The following ARHGAP15 variants were observed in gnomAD, a reference collection of about 807,000 sequenced individuals.
ARHGAP15 encodes rho GTPase-activating protein 15.
Under a neutral mutation model 63.7 loss-of-function variants are expected in ARHGAP15, and 51 were observed. The ratio of observed to expected loss-of-function variants is 0.80; its 90% CI spans 0.64 to 1.01. The LOEUF is 1.01. Ranked by LOEUF, ARHGAP15 falls within the 50% of genes least tolerant of loss-of-function variation. The pLI is 0.00. For missense variants in ARHGAP15, 560 were observed against 564.6 expected (o/e 0.99, Z 0.08); for synonymous variants, 191 against 193.8 (o/e 0.99, Z 0.12).
chr2:143,407,987 G>GTGTGTA (rs1357709703), intron 6 of ARHGAP15, among the ~76,000 whole-genome samples: 6 of 77,458 alleles, frequency 7.7e-5, no homozygotes, highest in African/African-American at 1.3e-4. Context: ...TTCTGTGTGT[G>GTGTGTA]TATATATATA....
chr2:143,288,136 T>C (rs1309028762), intron 6 of ARHGAP15, among the ~76,000 whole-genome samples: 1 of 152,164 alleles, frequency 6.6e-6, no homozygotes, highest in Non-Finnish European at 1.5e-5. Flanking sequence ...AAAAGTGCCA[T>C]GTGATTCAAT....
chr2:143,471,124 CAT>C (rs779422140), intron 8 of ARHGAP15, among the ~76,000 whole-genome samples: 65 of 146,316 alleles, frequency 4.4e-4, no homozygotes, highest in Non-Finnish European at 9.0e-4. Context: ...CACATATACA[CAT>C]ACATGTATAC....
At chr2:143,648,642 A>C (rs1681011290) in intron 12 of ARHGAP15, 1 of 152,002 alleles carries the variant, frequency 6.6e-6, no homozygotes. Context: ...CCTGAAAATA[A>C]GTGTGAATCC....
chr2:143,528,313 A>T (rs1428083368), intron 10 of ARHGAP15, among the ~76,000 whole-genome samples: 1 of 151,926 alleles, frequency 6.6e-6, no homozygotes, highest in East Asian at 1.9e-4. Context: ...TTTAATTCAG[A>T]CTTGGAATGC....
At chr2:143,138,061 A>G (rs1418256279) in intron 1 of ARHGAP15, among the ~76,000 whole-genome samples, 2 of 152,148 alleles carry the variant, frequency 1.3e-5, no homozygotes, top group African/African-American at 2.4e-5. Context: ...TACCAAAACT[A>G]GACAATATTA....
intron 12 of ARHGAP15, among the ~76,000 whole-genome samples, chr2:143,699,191 A>G (rs1489185251): frequency 1.3e-5 from 2 of 152,110 alleles, no homozygotes; most frequent in African/African-American, 2.4e-5. Flanking sequence ...CTCCACTTGA[A>G]GTGTTTGTGT....
chr2:143,450,469 C>T (rs992920014), intron 8 of ARHGAP15, among the ~76,000 whole-genome samples: 1 of 151,816 alleles, frequency 6.6e-6, no homozygotes, highest in Non-Finnish European at 1.5e-5. Context: ...AATATTAGAA[C>T]ATCTGTGTTG....
chr2:143,135,615 A>G (rs72992658), intron 1 of ARHGAP15, among the ~76,000 whole-genome samples: 1 of 152,200 alleles, frequency 6.6e-6, no homozygotes. Context: ...CAAATCTAAT[A>G]GCCATTTATG....
chr2:143,219,150 C>G (rs1213291581), intron 4 of ARHGAP15, among the ~76,000 whole-genome samples: 1 of 152,136 alleles, frequency 6.6e-6, no homozygotes, highest in African/African-American at 2.4e-5. Context: ...GCTGTGGTCC[C>G]ATAAGATTAT....
intron 13 of ARHGAP15, among the ~76,000 whole-genome samples, chr2:143,759,715 T>C (rs1247644648): frequency 6.6e-6 from 1 of 152,144 alleles, no homozygotes; most frequent in Non-Finnish European, 1.5e-5. Flanking sequence ...TCCCCTGATA[T>C]GTGCACCTCG....
At chr2:143,148,556 A>G (rs1342770221) in intron 1 of ARHGAP15, among the ~76,000 whole-genome samples, 1 of 151,760 alleles carries the variant, frequency 6.6e-6, no homozygotes, top group Non-Finnish European at 1.5e-5. Context: ...GTGCAGTGAT[A>G]ATAACTGTAT....
In ARHGAP15 at chr2:143,205,828, C is replaced by T. The variant is rs927025361; in HGVS notation, c.234+3626C>T. Among the ~76,000 whole-genome samples the T allele has an allele frequency of 5.9e-5, 9 of 151,988 alleles. 1 individual carries two copies. The highest frequency in any genetic ancestry group is 4.1e-4 in the South Asian group (2 of 4,824). The stretch of plus-strand genomic sequence containing the variant: ...GATAAGTCATCATTTTCTGATGAAA[C>T]GTCTCAATGGTTGTGGTGCCCATAT... On this transcript the variant is annotated intron_variant, in intron 3 of 13. Coordinates refer to ENST00000295095, the MANE Select transcript of ARHGAP15 (RefSeq NM_018460.4).
chr2:143,324,325 G>A (rs1276886156), intron 6 of ARHGAP15, among the ~76,000 whole-genome samples: 1 of 151,964 alleles, frequency 6.6e-6, no homozygotes, highest in African/African-American at 2.4e-5. Flanking sequence ...ATTCTATGTG[G>A]ACTGGAAAAA....
intron 11 of ARHGAP15, among the ~76,000 whole-genome samples, chr2:143,600,240 T>A (rs943143621): frequency 2.0e-5 from 3 of 152,222 alleles, no homozygotes; most frequent in African/African-American, 7.2e-5. Flanking sequence ...TATGCATTTT[T>A]AAATATCACC....
chr2:143,441,644 T>C (rs956866461), intron 8 of ARHGAP15, among the ~76,000 whole-genome samples: 11 of 152,352 alleles, frequency 7.2e-5, no homozygotes, highest in African/African-American at 2.4e-4. Context: ...ATCTCATACC[T>C]ATCAATTGCT....
chr2:143,337,545 C>T (rs754597779), intron 6 of ARHGAP15, among the ~76,000 whole-genome samples: 4 of 152,160 alleles, frequency 2.6e-5, no homozygotes, highest in Non-Finnish European at 5.9e-5. Context: ...AAAGTCATTA[C>T]TCTGAAGGTC....
chr2:143,554,104 C>T (rs1695687030), intron 10 of ARHGAP15, among the ~76,000 whole-genome samples: 1 of 152,048 alleles, frequency 6.6e-6, no homozygotes, highest in Non-Finnish European at 1.5e-5. Context: ...TAGATATTCA[C>T]ATTTTATCTT....
At chr2:143,545,537 A>T (rs910066914) in intron 10 of ARHGAP15, among the ~76,000 whole-genome samples, 1 of 152,184 alleles carries the variant, frequency 6.6e-6, no homozygotes, top group African/African-American at 2.4e-5. Context: ...CTTGTTAAAT[A>T]AAAGTTGGCA....
chr2:143,727,455 TTTTG>T (rs142904353), intron 13 of ARHGAP15, among the ~76,000 whole-genome samples: 24,009 of 152,182 alleles, frequency 0.16, 2,412 homozygotes, highest in Non-Finnish European at 0.23. Context: ...CCTCAGGTTC[TTTTG>T]TTTAAGAAAG....
Sources: gnomAD v4.1 joint callset for allele counts (sites outside exome capture counted in the v4.1 genomes callset) on GRCh38, gnomAD v4.1.1 for gene constraint, MANE v1.5 for transcripts, NCBI Gene and HGNC (gene_info 2026-07-23, HGNC 2026-07-21) for gene names.